The following KCNG2 variants were observed in gnomAD, a reference collection of about 807,000 sequenced individuals.
KCNG2 encodes the protein voltage-gated potassium channel regulatory subunit KCNG2.
KCNG2 carries 7 observed loss-of-function variants against 12.3 expected under a neutral mutation model. The ratio of observed to expected loss-of-function variants is 0.57; its 90% CI spans 0.32 to 1.07. KCNG2 has a LOEUF of 1.07. Ranked by LOEUF, KCNG2 falls within the 50% of genes least tolerant of loss-of-function variation. The probability of loss-of-function intolerance (pLI) is 0.04; values close to 1 mark genes in which losing one functional copy is unlikely to be tolerated. For synonymous variants in KCNG2, 414 were observed against 351.4 expected, an observed-to-expected ratio of 1.18 and a Z score of -1.99; for missense variants, 703 against 726.0, an observed-to-expected ratio of 0.97 and a Z score of 0.36.
Position 79,831,759 on chromosome 18 carries a change from T to C in KCNG2, c.-114-24620T>C, listed in dbSNP as rs12605916. Among the ~76,000 whole-genome samples the C allele has an allele frequency of 3.8e-3, 233 of 60,786 alleles. 3 individuals carry two copies. Among genetic ancestry groups the C allele is most frequent in the South Asian group, 0.011 (21 of 1,964 alleles). 39.9% of individuals were successfully genotyped at this position (60,786 alleles called of 152,430 possible). ...GAGGGTTCCCTGCGGACAGAGCCTT[T>C]GTCAGGAGCGTTCCCTTCATACAGA... On this transcript the variant is annotated intron_variant, in intron 1 of 3. Transcript: ENST00000316249.
rs143748166 is a variant in KCNG2 at position 79,803,663 on chromosome 18, G to A, written c.-115+5649G>A. Among the ~76,000 whole-genome samples, 10 of 152,288 alleles carry A rather than the reference G, an allele frequency of 6.6e-5. No individual in the cohort carries two copies. The highest frequency in any genetic ancestry group is 1.2e-4 in the Non-Finnish European group (8 of 68,022). On this transcript the variant is annotated intron_variant, in intron 1 of 3. Coordinates refer to ENST00000316249, the MANE Select transcript of KCNG2 (RefSeq NM_012283.2). This position sits in a 1 kb window ranked among gnomAD's most constrained non-coding sequence, Gnocchi z 4.5. The stretch of plus-strand genomic sequence containing the variant: ...GGTCCAAGGCTTCTGCTGGGCTGAC[G>A]GAGGAGGCGTTTTCTCCCATCCCGC...
At chr18:79,883,283 G>T (rs548132082) in intron 3 of KCNG2, among the ~76,000 whole-genome samples, 2 of 152,204 alleles carry the variant, frequency 1.3e-5, no homozygotes, top group Admixed American at 6.5e-5. Flanking sequence ...GGGAACGGCG[G>T]GGGGAAGCTG....
chr18:79,806,025 G>A lies in KCNG2; in HGVS notation c.-115+8011G>A, dbSNP rs144530913. ...ATCTGTTCACACAGAGCTTTGGGAC[G>A]TTAGGGTGACAGAGGAAGGAGGCGG... is the stretch of plus-strand genomic sequence containing the variant. On this transcript the variant is annotated intron_variant, in intron 1 of 3. Coordinates refer to ENST00000316249, the MANE Select transcript of KCNG2 (RefSeq NM_012283.2). 6.2e-4 allele frequency among the ~76,000 whole-genome samples: 95 copies of A among 152,214 alleles called. 1 individual carries two copies. In the East Asian group the frequency reaches 0.014, roughly 22 times the overall value.
chr18:79,827,088 C>T (rs1284793452), intron 1 of KCNG2, among the ~76,000 whole-genome samples: 1 of 152,246 alleles, frequency 6.6e-6, no homozygotes, highest in Non-Finnish European at 1.5e-5. Context: ...GCGCCAGCCT[C>T]TGTTGCTCCT....
At chr18:79,879,799 C>T (rs1257980729) in intron 3 of KCNG2, among the ~76,000 whole-genome samples, 3 of 152,068 alleles carry the variant, frequency 2.0e-5, no homozygotes, top group East Asian at 1.9e-4. Context: ...CGTGTCAAGG[C>T]GTCTCATCCT....
intron 1 of KCNG2, among the ~76,000 whole-genome samples, chr18:79,851,472 G>C (rs572300683): frequency 6.6e-6 from 1 of 152,180 alleles, no homozygotes; most frequent in Non-Finnish European, 1.5e-5. Context: ...GAGTAGCTCC[G>C]GCTGGAGCGC....
chr18:79,863,801 G>A lies in KCNG2; in HGVS notation c.134G>A (p.Arg45His), dbSNP rs1478427588. The change falls in exon 3 of 4, where the codon CGC becomes CAC. Residue 45 changes from arginine to histidine, a missense_variant. By Grantham distance (29) the Arg-to-His change is conservative. Transcript: ENST00000316249. ...CGATGCCCCCTCGCGCGCCTGGAGCGCCTGCGCGCCTGCCGCGGCCACGAC... is the reference window on the plus strand; with the variant it reads ...CGATGCCCCCTCGCGCGCCTGGAGCACCTGCGCGCCTGCCGCGGCCACGAC... The part of the protein sequence containing the change: ...LARCPLARLE[R>H]LRACRGHDDL... 4 of 1,314,938 alleles carry A rather than the reference G, an allele frequency of 3.0e-6. No homozygotes were observed. Among genetic ancestry groups the A allele is most frequent in the East Asian group, 3.5e-5 (1 of 28,204 alleles). The allele number at this position is 1,314,938 out of a possible 1,614,324, so 81.5% of individuals were successfully genotyped here. A position where few individuals can be genotyped will look rare whatever the true frequency, so the allele number is the denominator to read the frequency against.
intron 3 of KCNG2, among the ~76,000 whole-genome samples, chr18:79,888,681 C>T (rs1315521477): frequency 6.6e-6 from 1 of 152,090 alleles, no homozygotes; most frequent in East Asian, 1.9e-4. Flanking sequence ...AGGAATGCCT[C>T]TTCAGACCTT....
intron 3 of KCNG2, among the ~76,000 whole-genome samples, chr18:79,867,157 CGAGGTCTGGGTGCTGA>C (rs1312822433): frequency 3.4e-4 from 29 of 85,976 alleles, no homozygotes; most frequent in Admixed American, 5.1e-4. Context: ...GTCTGGGTAC[CGAGGTCTGGGTGCTGA>C]GAGGTCTGGG....
At chr18:79,807,154 T>A (rs1397213968) in intron 1 of KCNG2, among the ~76,000 whole-genome samples, 1 of 152,068 alleles carries the variant, frequency 6.6e-6, no homozygotes, top group East Asian at 1.9e-4. Context: ...CCTGCCTGCA[T>A]CTGTCTGCAC....
chr18:79,811,648 T>C (rs961852201), intron 1 of KCNG2, among the ~76,000 whole-genome samples: 9 of 151,980 alleles, frequency 5.9e-5, no homozygotes, highest in Non-Finnish European at 1.0e-4. Context: ...GAATCAGATG[T>C]TGGTTTATAT....
chr18:79,845,625 A>G (rs909515129), intron 1 of KCNG2, among the ~76,000 whole-genome samples: 2 of 152,200 alleles, frequency 1.3e-5, no homozygotes, highest in Admixed American at 1.3e-4. Context: ...TTGAAAAATA[A>G]TTGTCAATTT....
At chr18:79,887,105 A>G (rs1452958047) in intron 3 of KCNG2, among the ~76,000 whole-genome samples, 1 of 148,526 alleles carries the variant, frequency 6.7e-6, no homozygotes, top group East Asian at 1.9e-4. Context: ...CCATAGGGAC[A>G]GGGACATGGG....
At chr18:79,871,686 G>T (rs1415951912) in intron 3 of KCNG2, among the ~76,000 whole-genome samples, 1 of 152,224 alleles carries the variant, frequency 6.6e-6, no homozygotes, top group East Asian at 1.9e-4. Flanking sequence ...GGCAGTAGAG[G>T]GAGGGGAAGG....
intron 1 of KCNG2, among the ~76,000 whole-genome samples, chr18:79,829,035 CTA>C (rs1340803960): frequency 4.9e-5 from 4 of 81,460 alleles, no homozygotes; most frequent in East Asian, 8.8e-4. Flanking sequence ...GTGTGGGTGT[CTA>C]TGTGTGCGTG....
chr18:79,892,144 G>A (rs1399021842), intron 3 of KCNG2, among the ~76,000 whole-genome samples: 5 of 151,682 alleles, frequency 3.3e-5, no homozygotes, highest in Non-Finnish European at 1.5e-5. Context: ...ACACAGTGCG[G>A]TATTGAAGTC....
At chr18:79,896,840 CTT>C (rs1192585152) in intron 3 of KCNG2, among the ~76,000 whole-genome samples, 1 of 152,164 alleles carries the variant, frequency 6.6e-6, no homozygotes, top group Non-Finnish European at 1.5e-5. Flanking sequence ...TCAGCAGTAA[CTT>C]TGCTGGATAT....
intron 1 of KCNG2, among the ~76,000 whole-genome samples, chr18:79,802,510 G>A (rs2087418471): frequency 6.6e-6 from 1 of 152,258 alleles, no homozygotes; most frequent in South Asian, 2.1e-4. Flanking sequence ...CGGCCCTAGT[G>A]GGGAAGGTCT....
At chr18:79,833,869 C>G (rs1978309172) in intron 1 of KCNG2, among the ~76,000 whole-genome samples, 2 of 152,196 alleles carry the variant, frequency 1.3e-5, no homozygotes, top group Non-Finnish European at 1.5e-5. Context: ...GCCAGTTCTG[C>G]TGAGTGCGCC....
Sources: gnomAD v4.1 joint callset for allele counts (sites outside exome capture counted in the v4.1 genomes callset) on GRCh38, gnomAD v4.1.1 for gene constraint, Gnocchi (gnomAD v3.1) non-coding constraint, MANE v1.5 for transcripts, NCBI Gene and HGNC (gene_info 2026-07-23, HGNC 2026-07-21) for gene names.